The following ARHGAP6 variants were observed in gnomAD, a reference collection of about 807,000 sequenced individuals.
ARHGAP6 encodes rho GTPase-activating protein 6.
Under a neutral mutation model 55.7 loss-of-function variants are expected in ARHGAP6, and 16 were observed. That is an observed-to-expected ratio of 0.29 (90% CI 0.19 to 0.44). ARHGAP6 has a LOEUF of 0.44. ARHGAP6 is among the 20% of genes least tolerant of loss of function. The probability of loss-of-function intolerance (pLI) is 1.00; values close to 1 mark genes in which losing one functional copy is unlikely to be tolerated. For missense variants in ARHGAP6, 698 were observed against 808.9 expected (o/e 0.86, Z 1.66); for synonymous variants, 382 against 360.9 (o/e 1.06, Z -0.66).
chrX:11,331,044 T>C (rs773909513), intron 1 of ARHGAP6, among the ~76,000 whole-genome samples: 184 of 112,007 alleles, frequency 1.6e-3, no homozygotes, highest in African/African-American at 5.6e-3. Flanking sequence ...AGGATAGCCA[T>C]GGAAACTAGA....
At chrX:11,633,030 C>T (rs750521667) in intron 1 of ARHGAP6, among the ~76,000 whole-genome samples, 1 of 111,850 alleles carries the variant, frequency 8.9e-6, no homozygotes, top group Non-Finnish European at 1.9e-5. Flanking sequence ...CTCCCAAGCA[C>T]CCCGTGGGAT....
intron 1 of ARHGAP6, among the ~76,000 whole-genome samples, chrX:11,317,765 G>A (rs1388850462): frequency 9.0e-6 from 1 of 111,284 alleles, no homozygotes; most frequent in Non-Finnish European, 1.9e-5. Flanking sequence ...ATGAAGGATG[G>A]CAAGTAGAAT....
At chrX:11,210,102 T>C (rs554241899) in intron 2 of ARHGAP6, among the ~76,000 whole-genome samples, 2 of 112,424 alleles carry the variant, frequency 1.8e-5, no homozygotes, top group Admixed American at 1.9e-4. Context: ...AGTCCAATAG[T>C]ATAGTTTTGT....
rs953912280 is a variant in ARHGAP6, at chrX:11,304,777, CTTTTTTTTTT to C, written c.589-50080_589-50071del. On this transcript the variant is annotated intron_variant, in intron 1 of 12. Transcript: ENST00000337414. The stretch of plus-strand genomic sequence containing the variant: ...AAGGATTTCATTTTTCTTTCTTTTA[CTTTTTTTTTT>C]TTTTTTTTTTTTTTTTTTGAGATGG... 9.8e-3 allele frequency among the ~76,000 whole-genome samples: 493 copies of C among 50,272 alleles called. 9 individuals are homozygous for C. Among genetic ancestry groups the C allele is most frequent in the African/African-American group, 0.04 (468 of 11,563 alleles). 43.7% of individuals were successfully genotyped at this position (50,272 alleles called of 115,157 possible). A position where few individuals can be genotyped will look rare whatever the true frequency, so the allele number is the denominator to read the frequency against.
chrX:11,267,600 C>T (rs1271505769), intron 1 of ARHGAP6, among the ~76,000 whole-genome samples: 1 of 112,008 alleles, frequency 8.9e-6, no homozygotes, highest in African/African-American at 3.2e-5. Context: ...GAATGTTTAC[C>T]TAACACTAGA....
At chrX:11,196,625 C>T (rs974066883) in intron 3 of ARHGAP6, among the ~76,000 whole-genome samples, 2 of 111,380 alleles carry the variant, frequency 1.8e-5, no homozygotes, top group Admixed American at 1.9e-4. Flanking sequence ...TAGAGATGCT[C>T]TCCATAGCTT....
chrX:11,617,418 A>C (rs1370226594), intron 1 of ARHGAP6, among the ~76,000 whole-genome samples: 1 of 111,932 alleles, frequency 8.9e-6, no homozygotes, highest in African/African-American at 3.2e-5. Context: ...GCATGAGTAC[A>C]GGCTATTTCA....
chrX:11,433,241 C>T (rs2049957202), intron 1 of ARHGAP6, among the ~76,000 whole-genome samples: 1 of 112,021 alleles, frequency 8.9e-6, no homozygotes, highest in African/African-American at 3.2e-5. Context: ...TAAAGTTATG[C>T]ATCAATTGGA....
chrX:11,174,854 AT>A (rs112840787), intron 8 of ARHGAP6, among the ~76,000 whole-genome samples: 9 of 104,273 alleles, frequency 8.6e-5, no homozygotes, highest in Admixed American at 3.2e-4. Flanking sequence ...CGCCCGGCTA[AT>A]TTTTTTTGTA....
intron 9 of ARHGAP6, among the ~76,000 whole-genome samples, chrX:11,167,941 C>T (rs943370351): frequency 4.5e-5 from 5 of 112,012 alleles, no homozygotes; most frequent in African/African-American, 1.6e-4. Flanking sequence ...AACCCAGGGA[C>T]AGTGCTTCAG....
intron 1 of ARHGAP6, among the ~76,000 whole-genome samples, chrX:11,600,493 A>T (rs184442140): frequency 1.8e-5 from 2 of 112,513 alleles, no homozygotes; most frequent in East Asian, 5.6e-4. Context: ...TGTTTGCTGA[A>T]GCCTGCCTGC....
Position 11,429,069 on chromosome X carries a change from C to T in ARHGAP6, c.589-174362G>A, listed in dbSNP as rs186417560. Among the ~76,000 whole-genome samples, 565 of 112,227 alleles carry T rather than the reference C, an allele frequency of 5.0e-3. 12 individuals carry two copies. Among genetic ancestry groups the T allele is most frequent in the Admixed American group, 0.049 (522 of 10,657 alleles). On this transcript the variant is annotated intron_variant, in intron 1 of 12. Coordinates refer to ENST00000337414, the MANE Select transcript of ARHGAP6 (RefSeq NM_013427.3). ...CCCAAATAAAAGCGATCCAAATGTA[C>T]ACCAACTGATGCATGACAAACCAAC...
chrX:11,443,900 C>A (rs187765315), intron 1 of ARHGAP6, among the ~76,000 whole-genome samples: 1 of 111,445 alleles, frequency 9.0e-6, no homozygotes, highest in East Asian at 2.8e-4. Context: ...CGCACTCCAG[C>A]CTGGGTGACA....
At chrX:11,518,105 C>T (rs978354859) in intron 1 of ARHGAP6, among the ~76,000 whole-genome samples, 1 of 111,727 alleles carries the variant, frequency 9.0e-6, no homozygotes, top group African/African-American at 3.2e-5. Context: ...TCATCCACAA[C>T]CAAAATCAGT....
intron 1 of ARHGAP6, among the ~76,000 whole-genome samples, chrX:11,418,207 G>A (rs950985671): frequency 1.1e-4 from 12 of 111,949 alleles, no homozygotes; most frequent in African/African-American, 3.9e-4. Context: ...GAAAGTGGGT[G>A]CACAGAAGAC....
At chrX:11,211,390 C>T (rs1236475230) in intron 2 of ARHGAP6, among the ~76,000 whole-genome samples, 1 of 107,084 alleles carries the variant, frequency 9.3e-6, no homozygotes, top group Non-Finnish European at 1.9e-5. Flanking sequence ...ATTAGCCCGC[C>T]TGGCTAATTT....
intron 1 of ARHGAP6, among the ~76,000 whole-genome samples, chrX:11,525,865 C>T (rs1303318461): frequency 9.0e-6 from 1 of 111,255 alleles, no homozygotes; most frequent in Non-Finnish European, 1.9e-5. Flanking sequence ...TTAGTAACCA[C>T]ATGGGCCCCT....
intron 1 of ARHGAP6, among the ~76,000 whole-genome samples, chrX:11,357,800 T>A (rs1200095385): frequency 8.9e-6 from 1 of 112,111 alleles, no homozygotes; most frequent in Non-Finnish European, 1.9e-5. Flanking sequence ...TTAATAAATA[T>A]CTGTTGTGTG....
At chrX:11,491,403 C>A (rs1354212355) in intron 1 of ARHGAP6, among the ~76,000 whole-genome samples, 1 of 108,656 alleles carries the variant, frequency 9.2e-6, no homozygotes. Context: ...GTGATGTTCC[C>A]CTTCCTGTTT....
Sources: allele counts gnomAD v4.1 joint callset (sites outside exome capture counted in the v4.1 genomes callset), GRCh38; gene constraint gnomAD v4.1.1; transcripts MANE v1.5; gene names NCBI Gene and HGNC (gene_info 2026-07-23, HGNC 2026-07-21).